ZEB2: variants seen among roughly 807,000 people sequenced by gnomAD.
ZEB2 encodes zinc finger E-box-binding homeobox 2.
ZEB2 carries 6 observed loss-of-function variants against 99.9 expected under a neutral mutation model. The ratio of observed to expected loss-of-function variants is 0.06; its 90% CI spans 0.03 to 0.12. ZEB2 has a LOEUF of 0.12. ZEB2 is among the 10% of genes least tolerant of loss of function. The probability of loss-of-function intolerance (pLI) is 1.00; values close to 1 mark genes in which losing one functional copy is unlikely to be tolerated. For missense variants in ZEB2, 969 were observed against 1,502.8 expected (o/e 0.64, Z 5.87); for synonymous variants, 517 against 542.5 (o/e 0.95, Z 0.65).
intron 2 of ZEB2, chr2:144,511,944 C>G (rs1209204117): frequency 1.4e-5 from 18 of 1,287,028 alleles, no homozygotes; most frequent in Non-Finnish European, 1.8e-5. Flanking sequence ...ACATTTAATT[C>G]TGTATATTTT....
At chr2:144,404,408 A>G (rs1703355435) in intron 5 of ZEB2, among the ~76,000 whole-genome samples, 1 of 148,984 alleles carries the variant, frequency 6.7e-6, no homozygotes, top group Admixed American at 6.7e-5. Context: ...ATAAATGAGG[A>G]AATTCTCTTT....
chr2:144,457,012 C>A (rs147743566), intron 2 of ZEB2, among the ~76,000 whole-genome samples: 2 of 152,098 alleles, frequency 1.3e-5, no homozygotes, highest in Non-Finnish European at 2.9e-5. Context: ...CAGCACCCCC[C>A]AAAGGTCTGC....
chr2:144,454,169 A>G (rs1175009413), intron 2 of ZEB2, among the ~76,000 whole-genome samples: 1 of 152,232 alleles, frequency 6.6e-6, no homozygotes, highest in African/African-American at 2.4e-5. Context: ...TTTGCAAAGT[A>G]AGAGGTCTGG....
intron 2 of ZEB2, chr2:144,470,556 G>C (rs1254648109): frequency 2.6e-5 from 4 of 152,118 alleles, no homozygotes; most frequent in African/African-American, 9.7e-5. Context: ...ATTGTCTCCA[G>C]AGGGCTGTTA....
chr2:144,517,213 CT>C, intron 2 of ZEB2, 64 bp downstream of exon 2: 3 of 1,602,602 alleles, frequency 1.9e-6, no homozygotes, highest in Non-Finnish European at 2.6e-6. Flanking sequence ...CCCTTTCCCC[CT>C]CCTTCTCCCT....
chr2:144,437,780 T>C (rs1488004838), intron 2 of ZEB2, among the ~76,000 whole-genome samples: 1 of 152,166 alleles, frequency 6.6e-6, no homozygotes, highest in Non-Finnish European at 1.5e-5. Context: ...TAAATAGATA[T>C]TGTGTCTATC....
chr2:144,472,647 G>C (rs1042622287), intron 2 of ZEB2, among the ~76,000 whole-genome samples: 6 of 152,148 alleles, frequency 3.9e-5, no homozygotes, highest in Non-Finnish European at 5.9e-5. Context: ...GGAAATGGAA[G>C]TTTTGAACCT....
At chr2:144,403,116 T>C (rs1372545768) in intron 6 of ZEB2, among the ~76,000 whole-genome samples, 3 of 152,244 alleles carry the variant, frequency 2.0e-5, no homozygotes, top group African/African-American at 7.2e-5. Context: ...CATATCATAA[T>C]ATCAATTTGC....
chr2:144,513,865 C>T (rs1419639019), intron 2 of ZEB2: 2 of 1,531,072 alleles, frequency 1.3e-6, no homozygotes, highest in East Asian at 2.5e-5. Flanking sequence ...CCCTCCTCTC[C>T]AGCGTCAGTG....
intron 4 of ZEB2, among the ~76,000 whole-genome samples, chr2:144,405,765 T>C (rs1325130890): frequency 6.6e-6 from 1 of 152,184 alleles, no homozygotes; most frequent in Non-Finnish European, 1.5e-5. Context: ...TGGTGTGTGA[T>C]TTTGATGTGA....
At chr2:144,401,975 A>T (rs563247913) in intron 6 of ZEB2, among the ~76,000 whole-genome samples, 4 of 152,348 alleles carry the variant, frequency 2.6e-5, no homozygotes, top group African/African-American at 9.6e-5. Context: ...ATTCATTATC[A>T]AACGTAAGAG....
At chr2:144,498,058 A>T (rs1458031294) in intron 2 of ZEB2, among the ~76,000 whole-genome samples, 1 of 72,030 alleles carries the variant, frequency 1.4e-5, no homozygotes, top group Non-Finnish European at 2.6e-5. Context: ...TATATTATAT[A>T]ATATATATTA....
chr2:144,478,713 T>C (rs1164452214), intron 2 of ZEB2, among the ~76,000 whole-genome samples: 1 of 152,258 alleles, frequency 6.6e-6, no homozygotes, highest in Non-Finnish European at 1.5e-5. Context: ...TAAATTCAAA[T>C]TATTCTTTCT....
chr2:144,400,415 G>A (rs1014044934), intron 7 of ZEB2, 145 bp from the exon 8 acceptor site: 1 of 894,880 alleles, frequency 1.1e-6, no homozygotes, highest in Non-Finnish European at 1.7e-6. Context: ...AGAATTATGT[G>A]ACCATAACCA....
chr2:144,517,759 A>C lies in ZEB2; in HGVS notation c.-69-340T>G, dbSNP rs372365302. On this transcript the variant is annotated intron_variant, in intron 1 of 9. Coordinates refer to ENST00000627532, the MANE Select transcript of ZEB2 (RefSeq NM_014795.4). ...GGCTAGGCGGACCCTTTCCTTCGAA[A>C]AGTCCTCAGCCCCCGGCTCGGGAAC... The C allele has an allele frequency of 9.1e-5, 63 of 692,820 alleles. No individual in the cohort carries two copies. The African/African-American group carries it at 1.1e-3, about 12-fold the overall frequency. The allele number at this position is 692,820 out of a possible 1,614,324, so 42.9% of individuals were successfully genotyped here.
chr2:144,428,509 C>T (rs888900503), intron 3 of ZEB2: 4 of 152,116 alleles, frequency 2.6e-5, no homozygotes, highest in Middle Eastern at 3.4e-3. Context: ...ATGGATATAA[C>T]GATAAATGTT....
chr2:144,389,892 G>C lies in ZEB2; in HGVS notation c.3204C>G (p.Gly1068=), dbSNP rs565634569. The C allele has an allele frequency of 6.2e-6, 10 of 1,613,596 alleles. No homozygotes were observed. Among genetic ancestry groups the C allele is most frequent in the South Asian group, 3.3e-5 (3 of 91,084 alleles). Residue 1068 remains glycine, a synonymous_variant, in exon 10 of 10, where the codon GGC becomes GGG. Coordinates refer to ENST00000627532, the MANE Select transcript of ZEB2 (RefSeq NM_014795.4). This position sits in a 1 kb window ranked among gnomAD's most constrained non-coding sequence, Gnocchi z 6.8. ...TGTGATTCATGTGCTGCGAGTACGAGCCCGAGTGTGAGAAGCGCTTGCCAC... is the reference window on the plus strand; with the variant it reads ...TGTGATTCATGTGCTGCGAGTACGACCCCGAGTGTGAGAAGCGCTTGCCAC... The part of the protein sequence containing the change: ...DKCGKRFSHS[G]SYSQHMNHRY...
chr2:144,488,977 T>C (rs542600693), intron 2 of ZEB2, among the ~76,000 whole-genome samples: 1 of 152,334 alleles, frequency 6.6e-6, no homozygotes, highest in African/African-American at 2.4e-5. Context: ...TTGCACATAC[T>C]GGGTACTCAA....
At chr2:144,446,049 C>T (rs1573756947) in intron 2 of ZEB2, among the ~76,000 whole-genome samples, 1 of 151,960 alleles carries the variant, frequency 6.6e-6, no homozygotes, top group East Asian at 1.9e-4. Flanking sequence ...CTTCTTCTCT[C>T]TCCCCCTTCC....
Sources: gnomAD v4.1 joint callset for allele counts (sites outside exome capture counted in the v4.1 genomes callset) on GRCh38, gnomAD v4.1.1 for gene constraint, Gnocchi (gnomAD v3.1) non-coding constraint, MANE v1.5 for transcripts, NCBI Gene and HGNC (gene_info 2026-07-23, HGNC 2026-07-21) for gene names.